OR2L13: variants seen among roughly 807,000 people sequenced by gnomAD.
The protein encoded by OR2L13 is olfactory receptor 2L13.
In OR2L13, 14 loss-of-function variants were observed where a neutral mutation model predicts 15.3. The ratio of observed to expected loss-of-function variants is 0.91; its 90% confidence interval spans 0.60 to 1.43. The LOEUF (loss-of-function observed/expected upper bound fraction) is 1.43, where lower values mean the gene tolerates loss of function less well. OR2L13 is among the 40% of genes most tolerant of loss of function. The probability of loss-of-function intolerance (pLI) is 0.00; values close to 1 mark genes in which losing one functional copy is unlikely to be tolerated. For synonymous variants in OR2L13, 152 were observed against 142.9 expected (o/e 1.06, Z -0.45); for missense variants, 367 against 387.9 (o/e 0.95, Z 0.45).
the OR2L13 span, among the ~76,000 whole-genome samples, chr1:247,987,363 CT>C: frequency 6.6e-6 from 1 of 151,178 alleles, no homozygotes; most frequent in Admixed American, 6.6e-5. Context: ...AACTTTTTTT[CT>C]TCTTTTGTTC....
the OR2L13 span, among the ~76,000 whole-genome samples, chr1:248,028,127 C>A: frequency 2.9e-4 from 32 of 110,674 alleles, no homozygotes; most frequent in African/African-American, 1.2e-3. Flanking sequence ...AGCGACAGAG[C>A]GAGATTCCGT....
At chr1:247,997,651 AG>A in the OR2L13 span, among the ~76,000 whole-genome samples, 6 of 152,306 alleles carry the variant, frequency 3.9e-5, no homozygotes, top group East Asian at 1.2e-3. Flanking sequence ...CATGAAGTTT[AG>A]AAACAAAAAA....
chr1:248,039,865 A>G, the OR2L13 span: 2 of 152,236 alleles, frequency 1.3e-5, no homozygotes, highest in Non-Finnish European at 2.9e-5. Context: ...TGTTTTACTA[A>G]TAAGTTTACC....
chr1:248,032,401 C>T, the OR2L13 span, among the ~76,000 whole-genome samples: 1 of 152,018 alleles, frequency 6.6e-6, no homozygotes, highest in African/African-American at 2.4e-5. Flanking sequence ...GTGTTCAGGT[C>T]TGTGGCACTA....
At chr1:248,048,094 GA>G in the OR2L13 span, among the ~76,000 whole-genome samples, 1 of 152,094 alleles carries the variant, frequency 6.6e-6, no homozygotes, top group Non-Finnish European at 1.5e-5. Context: ...ACAGTCAAAG[GA>G]TATACTTTCA....
the OR2L13 span, among the ~76,000 whole-genome samples, chr1:248,085,188 T>G: frequency 1.3e-5 from 2 of 151,850 alleles, no homozygotes; most frequent in East Asian, 3.9e-4. Context: ...GCCCACTGAC[T>G]CCTTGACTGC....
the OR2L13 span, among the ~76,000 whole-genome samples, chr1:247,988,089 A>T: frequency 1.3e-5 from 2 of 152,046 alleles, no homozygotes; most frequent in Non-Finnish European, 2.9e-5. Flanking sequence ...TCACTTTGTG[A>T]TTTAACATGC....
the OR2L13 span, among the ~76,000 whole-genome samples, chr1:247,988,384 C>T: frequency 6.6e-6 from 1 of 151,928 alleles, no homozygotes; most frequent in Non-Finnish European, 1.5e-5. Context: ...CGTTACCTGT[C>T]ACATCCTTTT....
At chr1:248,061,349 C>T in the OR2L13 span, 1 of 1,614,002 alleles carries the variant, frequency 6.2e-7, no homozygotes, top group Non-Finnish European at 8.5e-7. Context: ...GTTCTCCTTG[C>T]TGTCTACCAC....
At chr1:247,990,174 C>T in the OR2L13 span, 71 of 552,676 alleles carry the variant, frequency 1.3e-4, no homozygotes, top group Middle Eastern at 5.2e-4. Context: ...CATTCACTGG[C>T]GGGCTTGAAA....
At chr1:248,061,832 T>G in the OR2L13 span, 1 of 415,452 alleles carries the variant, frequency 2.4e-6, no homozygotes, top group Non-Finnish European at 4.2e-6. Flanking sequence ...TTTCCATAAA[T>G]TTTGAAAGCA....
At chr1:248,085,421 T>TAAAAC in the OR2L13 span, among the ~76,000 whole-genome samples, 1 of 63,714 alleles carries the variant, frequency 1.6e-5, no homozygotes, top group African/African-American at 8.1e-5. Flanking sequence ...AATAAAATAA[T>TAAAAC]AAAATAAAAT....
At chr1:248,036,949 G>C in the OR2L13 span, among the ~76,000 whole-genome samples, 2 of 152,258 alleles carry the variant, frequency 1.3e-5, no homozygotes, top group African/African-American at 4.8e-5. Flanking sequence ...ATCTAAGCAT[G>C]AGGGAAGCAA....
At chr1:247,993,821 G>A in the OR2L13 span, among the ~76,000 whole-genome samples, 1,336 of 146,810 alleles carry the variant, frequency 9.1e-3, 13 homozygotes, top group Non-Finnish European at 0.013. Context: ...GAAAGAAAGA[G>A]AAAGAAAGAG....
chr1:248,044,361 A>C, the OR2L13 span, among the ~76,000 whole-genome samples: 4 of 152,216 alleles, frequency 2.6e-5, no homozygotes, highest in Admixed American at 2.0e-4. Context: ...ACAGAGTAGA[A>C]TGCTGGTTGC....
At chr1:248,084,146 A>G in the OR2L13 span, 2 of 1,611,418 alleles carry the variant, frequency 1.2e-6, no homozygotes, top group Non-Finnish European at 1.7e-6. Context: ...CGTCAGCTGC[A>G]CCCAGGAGCC....
chr1:247,948,744 C>A, the OR2L13 span: 4 of 780,498 alleles, frequency 5.1e-6, no homozygotes, highest in Non-Finnish European at 8.5e-6. Context: ...GTATCAACTG[C>A]AGTTTCAAAC....
At chr1:247,990,440 G>C in the OR2L13 span, 2 of 1,583,674 alleles carry the variant, frequency 1.3e-6, no homozygotes, top group Non-Finnish European at 1.7e-6. Flanking sequence ...ACACACCCAT[G>C]TATTTCCTAC....
the OR2L13 span, chr1:247,949,039 T>G: frequency 1.2e-6 from 2 of 1,613,970 alleles, no homozygotes; most frequent in Non-Finnish European, 1.7e-6. Flanking sequence ...ATGTATTTCC[T>G]ACTGAGTCAG....
Sources: gnomAD v4.1 joint callset for allele counts (sites outside exome capture counted in the v4.1 genomes callset) on GRCh38, gnomAD v4.1.1 for gene constraint, MANE v1.5 for transcripts, NCBI Gene and HGNC (gene_info 2026-07-23, HGNC 2026-07-21) for gene names.